ASTN2: variants seen among roughly 807,000 people sequenced by gnomAD.
ASTN2 encodes the protein astrotactin 2.
A neutral mutation model predicts 139.8 loss-of-function variants in ASTN2; 54 were observed. That is an observed-to-expected ratio of 0.39 (90% CI 0.31 to 0.48). ASTN2 has a LOEUF of 0.48. ASTN2 is among the 20% of genes least tolerant of loss of function. The pLI is 0.95. For synonymous variants in ASTN2, 756 were observed against 719.5 expected, an observed-to-expected ratio of 1.05 and a Z score of -0.81; for missense variants, 1,565 against 1,725.1, an observed-to-expected ratio of 0.91 and a Z score of 1.64.
chr9:117,342,335 T>G (rs1829087591), intron 1 of ASTN2, among the ~76,000 whole-genome samples: 1 of 152,188 alleles, frequency 6.6e-6, no homozygotes, highest in Admixed American at 6.5e-5. Flanking sequence ...TTTTATCAGC[T>G]GAAAAATGAA....
intron 5 of ASTN2, among the ~76,000 whole-genome samples, chr9:117,057,760 C>T (rs1056968901): frequency 6.6e-6 from 1 of 152,140 alleles, no homozygotes; most frequent in African/African-American, 2.4e-5. Context: ...TAGTCAGCAG[C>T]TCGAGGCAAG....
chr9:117,312,889 C>T (rs571664756), intron 1 of ASTN2, among the ~76,000 whole-genome samples: 1 of 152,070 alleles, frequency 6.6e-6, no homozygotes, highest in Non-Finnish European at 1.5e-5. Context: ...GTAAAAAAAA[C>T]CCATGGAAAA....
At chr9:116,656,509 A>T (rs1858220980) in intron 16 of ASTN2, among the ~76,000 whole-genome samples, 1 of 152,176 alleles carries the variant, frequency 6.6e-6, no homozygotes, top group African/African-American at 2.4e-5. Flanking sequence ...GAAGAGACTT[A>T]TCCTCTGTTC....
At chr9:116,591,867 C>T (rs999964132) in intron 19 of ASTN2, among the ~76,000 whole-genome samples, 3 of 152,104 alleles carry the variant, frequency 2.0e-5, no homozygotes, top group Non-Finnish European at 4.4e-5. Flanking sequence ...ACTTATGATA[C>T]GTGCATTTTT....
intron 3 of ASTN2, among the ~76,000 whole-genome samples, chr9:117,159,073 G>A (rs755429029): frequency 3.3e-5 from 5 of 152,066 alleles, no homozygotes; most frequent in South Asian, 2.1e-4. Context: ...GGGAAATGCC[G>A]TGGAATGTTA....
At chr9:116,974,243 A>G (rs1483457123) in intron 10 of ASTN2, among the ~76,000 whole-genome samples, 1 of 152,222 alleles carries the variant, frequency 6.6e-6, no homozygotes, top group East Asian at 1.9e-4. Context: ...CTAAGATCAG[A>G]TCTAAGACCA....
At chr9:116,970,696 T>G (rs1836169154) in intron 10 of ASTN2, among the ~76,000 whole-genome samples, 1 of 152,354 alleles carries the variant, frequency 6.6e-6, no homozygotes, top group South Asian at 2.1e-4. Context: ...TATTCAGAAC[T>G]AACTCAATGT....
At chr9:116,695,664 A>G (rs1860810040) in intron 16 of ASTN2, among the ~76,000 whole-genome samples, 1 of 152,204 alleles carries the variant, frequency 6.6e-6, no homozygotes, top group Non-Finnish European at 1.5e-5. Flanking sequence ...ATACAGCTGT[A>G]GGATTTGCGT....
At chr9:117,396,064 G>T (rs564342834) in intron 1 of ASTN2, among the ~76,000 whole-genome samples, 1 of 152,260 alleles carries the variant, frequency 6.6e-6, no homozygotes, top group African/African-American at 2.4e-5. Flanking sequence ...CCACCCCAAA[G>T]CATGAGGACA....
chr9:117,283,043 TG>T (rs1403088916), intron 2 of ASTN2, among the ~76,000 whole-genome samples: 1 of 151,858 alleles, frequency 6.6e-6, no homozygotes, highest in Non-Finnish European at 1.5e-5. Context: ...TTTGATGTTA[TG>T]ATTTTAATTT....
rs555890896 is a variant in ASTN2, at chr9:117,170,761, G to A, written c.1016-29283C>T. 6.0e-5 allele frequency among the ~76,000 whole-genome samples: 9 copies of A among 150,638 alleles called. 1 individual carries two copies. Among genetic ancestry groups the A allele is most frequent in the East Asian group, 1.9e-4 (1 of 5,142 alleles). On this transcript the variant is annotated intron_variant, in intron 3 of 22. Transcript: ENST00000313400. ...CCTTGAGGCAGAAGCAGGCTTGGCC[G>A]TATCCCATTTCTCATTTTAGTCTTC...
chr9:117,387,669 A>G (rs568314818), intron 1 of ASTN2, among the ~76,000 whole-genome samples: 17 of 152,304 alleles, frequency 1.1e-4, no homozygotes, highest in Non-Finnish European at 1.8e-4. Flanking sequence ...CTGGAGATAA[A>G]AACAGAGCTT....
intron 7 of ASTN2, among the ~76,000 whole-genome samples, chr9:117,002,952 A>AGG (rs1837234066): frequency 1.3e-5 from 2 of 152,036 alleles, no homozygotes; most frequent in Non-Finnish European, 2.9e-5. Context: ...TGCCACCTGT[A>AGG]GGAGGAAAAG....
intron 16 of ASTN2, among the ~76,000 whole-genome samples, chr9:116,722,344 T>C (rs1828495869): frequency 6.6e-6 from 1 of 152,214 alleles, no homozygotes; most frequent in African/African-American, 2.4e-5. Context: ...CAATGTACCT[T>C]TAGAAACACT....
At chr9:117,242,091 T>C (rs1444432562) in intron 2 of ASTN2, among the ~76,000 whole-genome samples, 1 of 143,228 alleles carries the variant, frequency 7.0e-6, no homozygotes. Flanking sequence ...AGATATGGAC[T>C]TGGGCTCCCA....
chr9:116,743,437 G>A (rs750924569), intron 13 of ASTN2, among the ~76,000 whole-genome samples: 4 of 152,108 alleles, frequency 2.6e-5, no homozygotes, highest in African/African-American at 4.8e-5. Context: ...TGTAGTCCAC[G>A]CTACTCAGGA....
chr9:116,832,392 G>A (rs527716303), intron 11 of ASTN2, among the ~76,000 whole-genome samples: 3 of 151,784 alleles, frequency 2.0e-5, no homozygotes, highest in South Asian at 4.2e-4. Flanking sequence ...CTTCCCACAC[G>A]ATGTTGAATA....
At chr9:117,327,945 A>G (rs778501479) in intron 1 of ASTN2, among the ~76,000 whole-genome samples, 1 of 152,190 alleles carries the variant, frequency 6.6e-6, no homozygotes, top group Non-Finnish European at 1.5e-5. Flanking sequence ...TAAGTGCTCA[A>G]TAACTGTTTG....
At chr9:116,679,113 T>C (rs907427340) in intron 16 of ASTN2, among the ~76,000 whole-genome samples, 1 of 152,234 alleles carries the variant, frequency 6.6e-6, no homozygotes, top group Non-Finnish European at 1.5e-5. Flanking sequence ...AGAGTAAAGG[T>C]TTTTCTTTTT....
Sources: gnomAD v4.1 joint callset for allele counts (sites outside exome capture counted in the v4.1 genomes callset) on GRCh38, gnomAD v4.1.1 for gene constraint, MANE v1.5 for transcripts, NCBI Gene and HGNC (gene_info 2026-07-23, HGNC 2026-07-21) for gene names.